Variants in CTTNBP2 observed in about 807,000 individuals in gnomAD.
CTTNBP2 encodes the protein cortactin binding protein 2, also known as cortactin-binding protein 2.
In CTTNBP2, 108 loss-of-function variants were observed where a neutral mutation model predicts 156.9. That is an observed-to-expected ratio of 0.69 (90% CI 0.59 to 0.81). The LOEUF is 0.81. CTTNBP2 is among the 30% of genes least tolerant of loss of function. The pLI is 0.00. For missense variants in CTTNBP2, 1,924 were observed against 2,035.4 expected (o/e 0.95, Z 1.05); for synonymous variants, 767 against 751.8 (o/e 1.02, Z -0.33).
chr7:117,840,168 A>C, intron 2 of CTTNBP2, among the ~76,000 whole-genome samples: 1 of 152,176 alleles, frequency 6.6e-6, no homozygotes, highest in East Asian at 1.9e-4. Flanking sequence ...GTTTTAATGA[A>C]TCCATCGGCT....
At chr7:117,861,848 G>T (rs868266001) in intron 1 of CTTNBP2, among the ~76,000 whole-genome samples, 1 of 151,864 alleles carries the variant, frequency 6.6e-6, no homozygotes, top group East Asian at 1.9e-4. Flanking sequence ...TGGGTTTGTC[G>T]TTGTTGTTGT....
At chr7:117,829,838 T>C (rs1160547424) in intron 2 of CTTNBP2, among the ~76,000 whole-genome samples, 1 of 152,226 alleles carries the variant, frequency 6.6e-6, no homozygotes, top group Non-Finnish European at 1.5e-5. Flanking sequence ...GCTGTCTCAG[T>C]ACAGCCACAC....
At chr7:117,870,169 C>A (rs148876988) in intron 1 of CTTNBP2, among the ~76,000 whole-genome samples, 305 of 152,262 alleles carry the variant, frequency 2.0e-3, no homozygotes, top group African/African-American at 7.1e-3. Context: ...AATTTGATTC[C>A]TTGGCGTATG....
rs763939101 is a variant in CTTNBP2, at chr7:117,792,686, C to A, written c.510G>T (p.Val170=). 5.6e-6 allele frequency: 9 copies of A among 1,613,816 alleles called. No homozygotes were observed. In the East Asian group the frequency reaches 2.0e-4, roughly 36 times the overall value. ...LEEERGKNKQ[V]VLMLVKECKQ... is the part of the protein sequence containing the mutation. Reference sequence around the variant, plus strand: ...TGCACTCTTTGACCAGCATCAGGACCACCTGCTTGTTCTTGCCACGCTCTT... The same window carrying A: ...TGCACTCTTTGACCAGCATCAGGACAACCTGCTTGTTCTTGCCACGCTCTT... Residue 170 remains valine (V), a synonymous_variant, in exon 4 of 23, where the codon GTG becomes GTT. Coordinates refer to ENST00000160373, the MANE Select transcript of CTTNBP2 (RefSeq NM_033427.3). The surrounding 1 kb of genome is among the most constrained non-coding windows in gnomAD (Gnocchi z 4.2).
At chr7:117,807,446 A>G (rs555513176) in intron 3 of CTTNBP2, among the ~76,000 whole-genome samples, 10 of 152,346 alleles carry the variant, frequency 6.6e-5, no homozygotes, top group South Asian at 4.1e-4. Context: ...ATATGAAATC[A>G]AGGAAACAAA....
intron 3 of CTTNBP2, among the ~76,000 whole-genome samples, 175 bp downstream of exon 3, chr7:117,810,590 T>A (rs1800214799): frequency 1.3e-5 from 2 of 152,256 alleles, no homozygotes; most frequent in African/African-American, 4.8e-5. Flanking sequence ...TATTTTGAGT[T>A]ACACTTTAAA....
At chr7:117,783,095 G>A (rs1057509998) in intron 5 of CTTNBP2, 134 bp from the exon 6 acceptor site, 16 of 597,182 alleles carry the variant, frequency 2.7e-5, no homozygotes, top group Non-Finnish European at 4.6e-5. Flanking sequence ...ATTCCATCAT[G>A]GCAGACCTGA....
intron 3 of CTTNBP2, among the ~76,000 whole-genome samples, chr7:117,797,376 G>A (rs912218592): frequency 2.6e-5 from 4 of 152,128 alleles, no homozygotes; most frequent in Non-Finnish European, 4.4e-5. Flanking sequence ...AGAATCCAGA[G>A]TCTGCAACAT....
chr7:117,796,231 C>T (rs749034665), intron 3 of CTTNBP2, among the ~76,000 whole-genome samples: 4 of 152,180 alleles, frequency 2.6e-5, no homozygotes, highest in Non-Finnish European at 5.9e-5. Flanking sequence ...GGACTCACTC[C>T]GTCAGTTATT....
At chr7:117,718,184 C>A in intron 21 of CTTNBP2, 65 bp from the exon 22 acceptor site, 4 of 953,828 alleles carry the variant, frequency 4.2e-6, no homozygotes, top group Non-Finnish European at 1.7e-6. Context: ...CAAGGCACAG[C>A]TAAATGGTGG....
intron 2 of CTTNBP2, among the ~76,000 whole-genome samples, chr7:117,830,654 A>G (rs1250649627): frequency 6.6e-6 from 1 of 152,216 alleles, no homozygotes; most frequent in East Asian, 1.9e-4. Flanking sequence ...CCAAGAAGAC[A>G]TTAGAGTCAT....
At chr7:117,773,707 A>ACACACC (rs1234464093) in intron 8 of CTTNBP2, among the ~76,000 whole-genome samples, 119 of 129,036 alleles carry the variant, frequency 9.2e-4, no homozygotes, top group Non-Finnish European at 1.2e-3. Context: ...ACACACACAC[A>ACACACC]CCCCAAAAAA....
At chr7:117,753,478 A>G (rs1796726722) in intron 12 of CTTNBP2, among the ~76,000 whole-genome samples, 1 of 152,226 alleles carries the variant, frequency 6.6e-6, no homozygotes, top group Non-Finnish European at 1.5e-5. Flanking sequence ...AAGACTACGG[A>G]TGATAGCAAT....
chr7:117,796,618 C>T (rs1239416509), intron 3 of CTTNBP2, among the ~76,000 whole-genome samples: 5 of 152,144 alleles, frequency 3.3e-5, no homozygotes, highest in Non-Finnish European at 7.4e-5. Flanking sequence ...TAAGACAACA[C>T]GTGTAAATCA....
chr7:117,775,636 C>T (rs2116755990), intron 8 of CTTNBP2, among the ~76,000 whole-genome samples: 1 of 150,240 alleles, frequency 6.7e-6, no homozygotes, highest in East Asian at 1.9e-4. Flanking sequence ...CTCCTATCAT[C>T]AACATCTCAT....
At chr7:117,818,399 A>T (rs1302869666) in intron 2 of CTTNBP2, among the ~76,000 whole-genome samples, 6 of 152,228 alleles carry the variant, frequency 3.9e-5, no homozygotes, top group Non-Finnish European at 8.8e-5. Flanking sequence ...GGTGCCAATG[A>T]TACAAAAAGC....
intron 3 of CTTNBP2, among the ~76,000 whole-genome samples, chr7:117,809,508 G>A (rs977737858): frequency 1.3e-5 from 2 of 152,130 alleles, no homozygotes; most frequent in African/African-American, 2.4e-5. Context: ...TGGTTTGTGG[G>A]GAGTTTTGAA....
chr7:117,762,468 C>G (rs984636910), intron 9 of CTTNBP2, among the ~76,000 whole-genome samples: 9 of 152,226 alleles, frequency 5.9e-5, no homozygotes, highest in Non-Finnish European at 1.3e-4. Context: ...TCACACTTCA[C>G]ATTCAATCCA....
intron 1 of CTTNBP2, among the ~76,000 whole-genome samples, chr7:117,863,178 G>C (rs1228811079): frequency 1.3e-5 from 2 of 152,122 alleles, no homozygotes. Context: ...AGAGCTAGGG[G>C]GTTCTCTCAA....
Sources: gnomAD v4.1 joint callset for allele counts (sites outside exome capture counted in the v4.1 genomes callset) on GRCh38, gnomAD v4.1.1 for gene constraint, Gnocchi (gnomAD v3.1) non-coding constraint, MANE v1.5 for transcripts, NCBI Gene and HGNC (gene_info 2026-07-23, HGNC 2026-07-21) for gene names.